The following MYO5A variants were observed in gnomAD, a reference collection of about 807,000 sequenced individuals.
MYO5A encodes unconventional myosin-Va.
MYO5A carries 98 observed loss-of-function variants against 249.7 expected under a neutral mutation model. The ratio of observed to expected loss-of-function variants is 0.39; its 90% CI spans 0.33 to 0.46. The LOEUF (loss-of-function observed/expected upper bound fraction) is 0.46. MYO5A is among the 20% of genes least tolerant of loss of function. The probability of loss-of-function intolerance (pLI) is 0.98; values close to 1 mark genes in which losing one functional copy is unlikely to be tolerated. For synonymous variants in MYO5A, 778 were observed against 810.6 expected, an observed-to-expected ratio of 0.96 and a Z score of 0.68; for missense variants, 1,696 against 2,308.8, an observed-to-expected ratio of 0.73 and a Z score of 5.44.
At chr15:52,491,915 A>AG (rs1304601688) in intron 1 of MYO5A, among the ~76,000 whole-genome samples, 1 of 152,216 alleles carries the variant, frequency 6.6e-6, no homozygotes, top group Non-Finnish European at 1.5e-5. Flanking sequence ...CAAGGAAAAA[A>AG]GAAAAGAAAA....
Position 52,433,294 on chromosome 15 carries a change from C to G in MYO5A, c.28-9G>C, listed in dbSNP as rs372019534. 2.9e-5 allele frequency: 45 copies of G among 1,561,184 alleles called. No individual in the cohort carries two copies. The highest frequency in any genetic ancestry group is 1.2e-4 in the South Asian group (11 of 89,768). On this transcript the variant is annotated splice_polypyrimidine_tract_variant and intron_variant, in intron 1 of 41. Coordinates refer to ENST00000399233, the MANE Select transcript of MYO5A (RefSeq NM_001382347.1). ...ATCCAAACCCTGGCAAACTAGAAGACAAAAAGAAAAAAATTTAAACTAGCA... is the reference window on the plus strand; with the variant it reads ...ATCCAAACCCTGGCAAACTAGAAGAGAAAAAGAAAAAAATTTAAACTAGCA...
chr15:52,489,808 T>C (rs1029614528), intron 1 of MYO5A, among the ~76,000 whole-genome samples: 7 of 152,150 alleles, frequency 4.6e-5, no homozygotes, highest in Admixed American at 1.3e-4. Context: ...CTAGGCAACA[T>C]AGTGAGACCT....
At chr15:52,504,063 T>TCC (rs1566862532) in intron 1 of MYO5A, among the ~76,000 whole-genome samples, 1 of 151,648 alleles carries the variant, frequency 6.6e-6, no homozygotes, top group Non-Finnish European at 1.5e-5. Flanking sequence ...TCTTTTTTTT[T>TCC]TTTTTTTTTT....
Position 52,317,205 on chromosome 15 carries a change from A to C in MYO5A, c.5252T>G (p.Leu1751Arg). 1 of 1,614,026 alleles carries C rather than the reference A, an allele frequency of 6.2e-7. No individual in the cohort carries two copies. The stretch of plus-strand genomic sequence containing the variant: ...ATTCTTGTCACGCAGCCATTCTTCC[A>C]GTTGACTGACATTGTACCTATGAAA... Reference protein sequence around the residue: ...GMQIRYNVSQLEEWLRDKNLM... With the variant: ...GMQIRYNVSQREEWLRDKNLM... The change falls in exon 40 of 42, where the codon CTG becomes CGG. Residue 1751 changes from leucine (L) to arginine (R), a missense_variant. By Grantham distance (102) the Leu-to-Arg change is moderately radical. This residue lies in a region of MYO5A where 625 missense variants were observed against 908.1 expected (regional missense o/e 0.69). Coordinates refer to ENST00000399233, the MANE Select transcript of MYO5A (RefSeq NM_001382347.1).
chr15:52,437,062 A>G (rs1459381927), intron 1 of MYO5A, among the ~76,000 whole-genome samples: 3 of 152,232 alleles, frequency 2.0e-5, no homozygotes, highest in African/African-American at 7.2e-5. Context: ...TCCCATAGGA[A>G]GTGATTTCTA....
At chr15:52,375,532 A>C (rs1470220181) in intron 19 of MYO5A, 72 bp from the exon 20 acceptor site, 19 of 1,520,622 alleles carry the variant, frequency 1.2e-5, no homozygotes, top group African/African-American at 2.7e-5. Flanking sequence ...AGAGAAACTT[A>C]AAGAGTGTCA....
intron 2 of MYO5A, among the ~76,000 whole-genome samples, chr15:52,429,688 C>A (rs563886081): frequency 1.8e-4 from 18 of 101,296 alleles, no homozygotes; most frequent in Admixed American, 3.0e-4. Flanking sequence ...GACTCCATCT[C>A]AAAAAAAAAC....
At chr15:52,504,788 G>A (rs2077232109) in intron 1 of MYO5A, among the ~76,000 whole-genome samples, 1 of 151,880 alleles carries the variant, frequency 6.6e-6, no homozygotes, top group African/African-American at 2.4e-5. Context: ...TACTCAGGAG[G>A]TTGAGGCAGA....
At chr15:52,464,190 G>A (rs8036846) in intron 1 of MYO5A, among the ~76,000 whole-genome samples, 128 of 152,234 alleles carry the variant, frequency 8.4e-4, no homozygotes, top group Middle Eastern at 3.4e-3. Context: ...GCCAAACCCC[G>A]ATTCAGGTAC....
intron 11 of MYO5A, among the ~76,000 whole-genome samples, chr15:52,393,742 AAC>A (rs2042364332): frequency 6.6e-6 from 1 of 152,180 alleles, no homozygotes; most frequent in African/African-American, 2.4e-5. Context: ...TTTAACAAAA[AAC>A]AGTCATCCAT....
chr15:52,500,873 G>C (rs1313111937), intron 1 of MYO5A, among the ~76,000 whole-genome samples: 1 of 152,066 alleles, frequency 6.6e-6, no homozygotes, highest in African/African-American at 2.4e-5. Flanking sequence ...AATGGATCAG[G>C]AGTGAGGCAT....
chr15:52,405,238 C>G lies in MYO5A; in HGVS notation c.1053+49G>C, dbSNP rs369038407. On this transcript the variant is annotated intron_variant, in intron 9 of 41. Coordinates refer to ENST00000399233, the MANE Select transcript of MYO5A (RefSeq NM_001382347.1). ...TTGCTTCTTTAAACAATCTACAAATCTAAAACATAATTCAACTGCCATCCC... is the reference window on the plus strand; with the variant it reads ...TTGCTTCTTTAAACAATCTACAAATGTAAAACATAATTCAACTGCCATCCC... The G allele has an allele frequency of 7.6e-5, 103 of 1,350,270 alleles. No homozygotes were observed. In the East Asian group the frequency reaches 1.3e-3, roughly 17 times the overall value. 83.6% of individuals were successfully genotyped at this position (1,350,270 alleles called of 1,614,324 possible). A position where few individuals can be genotyped will look rare whatever the true frequency, so the allele number is the denominator to read the frequency against.
Position 52,312,574 on chromosome 15 carries a change from T to G in MYO5A, c.*1122A>C, listed in dbSNP as rs1389961421. On this transcript the variant is annotated 3_prime_UTR_variant, in exon 42 of 42. Coordinates refer to ENST00000399233, the MANE Select transcript of MYO5A (RefSeq NM_001382347.1). ...GGTTTCGCCATGTTGGCCAGGCTGGTCTCCAACTCCTAACCTGAAGTGATC... is the reference window on the plus strand; with the variant it reads ...GGTTTCGCCATGTTGGCCAGGCTGGGCTCCAACTCCTAACCTGAAGTGATC... 1 of 152,220 alleles carries G rather than the reference T, an allele frequency of 6.6e-6. No homozygotes were observed. The highest frequency in any genetic ancestry group is 1.5e-5 in the Non-Finnish European group (1 of 68,062). 9.4% of individuals were successfully genotyped at this position (152,220 alleles called of 1,614,324 possible).
At position 52,495,568 on chromosome 15, in the gene MYO5A, G is replaced by C. The variant is rs1351821247; in HGVS notation, c.27+33212C>G. Among the ~76,000 whole-genome samples the C allele has an allele frequency of 2.6e-5, 4 of 152,136 alleles. 1 individual carries two copies. The highest frequency in any genetic ancestry group is 5.9e-5 in the Non-Finnish European group (4 of 68,024). The stretch of plus-strand genomic sequence containing the variant: ...TTGTGTTCTCATCACAAAAGAAAGT[G>C]AGGTAATGCATATGTTAAACAGCTT... On this transcript the variant is annotated intron_variant, in intron 1 of 41. Coordinates refer to ENST00000399233, the MANE Select transcript of MYO5A (RefSeq NM_001382347.1).
At chr15:52,343,562 CAAA>C (rs2039476456) in intron 30 of MYO5A, among the ~76,000 whole-genome samples, 1 of 152,130 alleles carries the variant, frequency 6.6e-6, no homozygotes, top group Non-Finnish European at 1.5e-5. Flanking sequence ...ACATATAGAA[CAAA>C]AACTTCAGCT....
At chr15:52,358,010 T>C (rs2040331884) in intron 25 of MYO5A, among the ~76,000 whole-genome samples, 2 of 151,866 alleles carry the variant, frequency 1.3e-5, no homozygotes, top group African/African-American at 4.8e-5. Flanking sequence ...TTCCCAGAGG[T>C]GAAAGGTGTG....
At chr15:52,362,846 T>G (rs763985912) in intron 24 of MYO5A, among the ~76,000 whole-genome samples, 19 of 152,202 alleles carry the variant, frequency 1.2e-4, no homozygotes, top group Non-Finnish European at 2.2e-4. Flanking sequence ...ACCCATGACC[T>G]CCTCACAGAT....
rs924359118 is a variant in MYO5A at position 52,407,963 on chromosome 15, A to C, written c.838+96T>G. 18 of 852,970 alleles carry C rather than the reference A, an allele frequency of 2.1e-5. No homozygotes were observed. The African/African-American group carries it at 2.7e-4, about 13-fold the overall frequency. 52.8% of individuals were successfully genotyped at this position (852,970 alleles called of 1,614,324 possible). On this transcript the variant is annotated intron_variant, in intron 7 of 41. Coordinates refer to ENST00000399233, the MANE Select transcript of MYO5A (RefSeq NM_001382347.1). ...TTATCATATTATCCATAAGTATTCC[A>C]ACATGAGATAAGCTCCTTTTTAACA... is the stretch of plus-strand genomic sequence containing the variant.
At chr15:52,368,388 T>G (rs2040921578) in intron 22 of MYO5A, among the ~76,000 whole-genome samples, 1 of 152,130 alleles carries the variant, frequency 6.6e-6, no homozygotes, top group Non-Finnish European at 1.5e-5. Context: ...TGGTACTTTT[T>G]CAAAATAATG....
Sources: allele counts gnomAD v4.1 joint callset (sites outside exome capture counted in the v4.1 genomes callset), GRCh38; gene constraint gnomAD v4.1.1; regional missense constraint gnomAD v4.1.1; transcripts MANE v1.5; gene names NCBI Gene and HGNC (gene_info 2026-07-23, HGNC 2026-07-21).